Variants in OR5H14 observed in about 807,000 individuals in gnomAD.
The protein encoded by OR5H14 is olfactory receptor family 5 subfamily H member 14.
For missense variants in OR5H14, 392 were observed against 363.9 expected (o/e 1.08, Z -0.63); for synonymous variants, 155 against 130.6 (o/e 1.19, Z -1.28).
Position 98,153,416 on chromosome 3 carries a change from T to A in OR5H14, c.*3098T>A, listed in dbSNP as rs1370060410. On this transcript the variant is annotated 3_prime_UTR_variant, in exon 2 of 2. Transcript: ENST00000641380. Reference sequence around the variant, plus strand: ...AGCCAACATGGTGAAACCCCATCTTTATGAAAAATGCAAAAAATTAGCCGG... The same window carrying A: ...AGCCAACATGGTGAAACCCCATCTTAATGAAAAATGCAAAAAATTAGCCGG... 1 of 152,054 alleles carries A rather than the reference T, an allele frequency of 6.6e-6. No homozygotes were observed. Among genetic ancestry groups the A allele is most frequent in the Non-Finnish European group, 1.5e-5 (1 of 68,036 alleles). 9.4% of individuals were successfully genotyped at this position (152,054 alleles called of 1,614,324 possible).
chr3:98,150,147 C>A lies in OR5H14; in HGVS notation c.762C>A (p.Pro254=). The change falls in exon 2 of 2, where the codon CCC becomes CCA. Residue 254 remains proline (P), a synonymous_variant. Coordinates refer to ENST00000641380, the MANE Select transcript of OR5H14 (RefSeq NM_001005514.2). ...HLLSVSLYYG[P]LAFMYMGSAS... ...TATCTGTATCTTTATACTATGGGCCCCTCGCCTTCATGTATATGGGCTCTG... is the reference window on the plus strand; with the variant it reads ...TATCTGTATCTTTATACTATGGGCCACTCGCCTTCATGTATATGGGCTCTG... The A allele has an allele frequency of 6.2e-7, 1 of 1,612,098 alleles. No homozygotes were observed. Among genetic ancestry groups the A allele is most frequent in the South Asian group, 1.1e-5 (1 of 90,908 alleles).
Position 98,155,104 on chromosome 3 carries a change from T to C in OR5H14, c.*4786T>C, listed in dbSNP as rs1337196921. On this transcript the variant is annotated 3_prime_UTR_variant, in exon 2 of 2. Transcript: ENST00000641380. ...CAGAATGGTAAAAGGACTCCTCTAG[T>C]TTTGTGACCACCCCCCTGCTGCAGG... The C allele has an allele frequency of 6.6e-6, 1 of 151,548 alleles. No homozygotes were observed. The highest frequency in any genetic ancestry group is 1.5e-5 in the Non-Finnish European group (1 of 67,978). The allele number at this position is 151,548 out of a possible 1,614,324, so 9.4% of individuals were successfully genotyped here. A position where few individuals can be genotyped will look rare whatever the true frequency, so the allele number is the denominator to read the frequency against.
chr3:98,149,028 C>A (rs148303937), intron 1 of OR5H14, among the ~76,000 whole-genome samples: 136 of 152,094 alleles, frequency 8.9e-4, no homozygotes, highest in Middle Eastern at 3.4e-3. Context: ...AGATTCTTCA[C>A]GTGGCATTTA....
rs1411659620 is a variant in OR5H14, at chr3:98,150,332, T to C, written c.*14T>C. On this transcript the variant is annotated 3_prime_UTR_variant, in exon 2 of 2. Coordinates refer to ENST00000641380, the MANE Select transcript of OR5H14 (RefSeq NM_001005514.2). ...AATGATGTTTAGATCATTACTAATATCTCTTTTCTATTTACTAAAATGTCA... is the reference window on the plus strand; with the variant it reads ...AATGATGTTTAGATCATTACTAATACCTCTTTTCTATTTACTAAAATGTCA... 1 of 1,475,200 alleles carries C rather than the reference T, an allele frequency of 6.8e-7. No homozygotes were observed. Among genetic ancestry groups the C allele is most frequent in the South Asian group, 1.4e-5 (1 of 69,750 alleles). 91.4% of individuals were successfully genotyped at this position (1,475,200 alleles called of 1,614,324 possible). A position where few individuals can be genotyped will look rare whatever the true frequency, so the allele number is the denominator to read the frequency against.
chr3:98,148,941 A>T (rs1708458486), intron 1 of OR5H14, among the ~76,000 whole-genome samples: 1 of 151,322 alleles, frequency 6.6e-6, no homozygotes, highest in South Asian at 2.1e-4. Flanking sequence ...ACTATCAAAA[A>T]TTTTAAAAAA....
chr3:98,149,026 C>G (rs1361117716), intron 1 of OR5H14, among the ~76,000 whole-genome samples: 1 of 152,008 alleles, frequency 6.6e-6, no homozygotes, highest in African/African-American at 2.4e-5. Flanking sequence ...TAAGATTCTT[C>G]ACGTGGCATT....
At position 98,147,549 on chromosome 3, in the gene OR5H14, A is replaced by G. The variant is rs906459545; in HGVS notation, c.-24A>G. ...AGGATATCCACAATTTCTTTCAAAAATATGGGTAAGGAAGAAATAATTTTT... is the reference window on the plus strand; with the variant it reads ...AGGATATCCACAATTTCTTTCAAAAGTATGGGTAAGGAAGAAATAATTTTT... On this transcript the variant is annotated 5_prime_UTR_variant, in exon 1 of 2. Transcript: ENST00000641380. 1.3e-5 allele frequency: 2 copies of G among 152,160 alleles called. No individual in the cohort carries two copies. The highest frequency in any genetic ancestry group is 4.8e-5 in the African/African-American group (2 of 41,464). The allele number at this position is 152,160 out of a possible 1,614,324, so 9.4% of individuals were successfully genotyped here.
chr3:98,148,762 C>T (rs1269512218), intron 1 of OR5H14, among the ~76,000 whole-genome samples: 1 of 151,984 alleles, frequency 6.6e-6, no homozygotes, highest in Non-Finnish European at 1.5e-5. Flanking sequence ...GAACTCATTT[C>T]TGAAATAATC....
In OR5H14 at chr3:98,154,545, ACGTG is replaced by A. The variant is rs879555327; in HGVS notation, c.*4228_*4231del. Reference sequence around the variant, plus strand: ...GAAGGCAGGCCTGGTTCATCTGAGGACGTGACTTTATAAGGCATTTATCTAGTTT... The same window carrying A: ...GAAGGCAGGCCTGGTTCATCTGAGGAACTTTATAAGGCATTTATCTAGTTT... On this transcript the variant is annotated 3_prime_UTR_variant, in exon 2 of 2. Coordinates refer to ENST00000641380, the MANE Select transcript of OR5H14 (RefSeq NM_001005514.2). 0.16 allele frequency: 22,634 copies of A among 142,084 alleles called. No homozygotes were observed. The highest frequency in any genetic ancestry group is 0.35 in the East Asian group (1,637 of 4,628). 8.8% of individuals were successfully genotyped at this position (142,084 alleles called of 1,614,324 possible). A position where few individuals can be genotyped will look rare whatever the true frequency, so the allele number is the denominator to read the frequency against.
In OR5H14 at chr3:98,150,937, T is replaced by A. The variant is rs1480692853; in HGVS notation, c.*619T>A. 2 of 152,172 alleles carry A rather than the reference T, an allele frequency of 1.3e-5. No homozygotes were observed. The highest frequency in any genetic ancestry group is 4.8e-5 in the African/African-American group (2 of 41,440). The allele number at this position is 152,172 out of a possible 1,614,324, so 9.4% of individuals were successfully genotyped here. A position where few individuals can be genotyped will look rare whatever the true frequency, so the allele number is the denominator to read the frequency against. On this transcript the variant is annotated 3_prime_UTR_variant, in exon 2 of 2. Coordinates refer to ENST00000641380, the MANE Select transcript of OR5H14 (RefSeq NM_001005514.2). The stretch of plus-strand genomic sequence containing the variant: ...AAGAGGGCAAGAGGATGCTGTTAAC[T>A]CTCTGTGCTTGTATGAGTAAGAACC...
intron 1 of OR5H14, 163 bp from the exon 2 acceptor site, chr3:98,149,204 CA>C (rs1421496947): frequency 7.8e-6 from 6 of 768,426 alleles, no homozygotes; most frequent in Admixed American, 6.1e-5. Flanking sequence ...TAAAATATGA[CA>C]TTTTTTTCAT....
chr3:98,150,267 C>A lies in OR5H14; in HGVS notation c.882C>A (p.Asn294Lys), dbSNP rs75547468. 6.1e-3 allele frequency: 9,746 copies of A among 1,599,706 alleles called. 365 individuals carry two copies. The African/African-American group carries it at 0.097, about 16-fold the overall frequency. The change falls in exon 2 of 2, where the codon AAC (asparagine) becomes AAA (lysine). Residue 294 changes from asparagine to lysine, a missense_variant. Coordinates refer to ENST00000641380, the MANE Select transcript of OR5H14 (RefSeq NM_001005514.2). ...LLNPMIYSLR[N>K]KQVIASFTKM... The stretch of plus-strand genomic sequence containing the variant: ...ATCCCATGATCTACAGCCTGAGAAA[C>A]AAGCAAGTAATAGCTTCATTCACAA...
rs1367304000 is a variant in OR5H14 at position 98,153,942 on chromosome 3, C to A, written c.*3624C>A. 2 of 152,046 alleles carry A rather than the reference C, an allele frequency of 1.3e-5. No individual in the cohort carries two copies. The allele number at this position is 152,046 out of a possible 1,614,324, so 9.4% of individuals were successfully genotyped here. A position where few individuals can be genotyped will look rare whatever the true frequency, so the allele number is the denominator to read the frequency against. On this transcript the variant is annotated 3_prime_UTR_variant, in exon 2 of 2. Coordinates refer to ENST00000641380, the MANE Select transcript of OR5H14 (RefSeq NM_001005514.2). ...CAGAACTTGAATTTAATAATGAATG[C>A]ACTATAATTTTCTACTGAAATATAT...
In OR5H14 at chr3:98,150,431, G is replaced by A. The variant is rs57747294; in HGVS notation, c.*113G>A. On this transcript the variant is annotated 3_prime_UTR_variant, in exon 2 of 2. Transcript: ENST00000641380. The stretch of plus-strand genomic sequence containing the variant: ...ATTTTGCAATTATAACTGTCCTAGC[G>A]CTTTAATGACCTATGATATAAGCAC... 0.015 allele frequency: 9,468 copies of A among 617,770 alleles called. 622 individuals are homozygous for A. The highest frequency in any genetic ancestry group is 0.14 in the African/African-American group (7,698 of 53,782). The allele number at this position is 617,770 out of a possible 1,614,324, so 38.3% of individuals were successfully genotyped here. A position where few individuals can be genotyped will look rare whatever the true frequency, so the allele number is the denominator to read the frequency against.
Position 98,150,206 on chromosome 3 carries a change from A to C in OR5H14, c.821A>C (p.Glu274Ala), listed in dbSNP as rs1234640096. The part of the protein sequence containing the change: ...SPQADDQDMM[E>A]SLFYTVIVPL... Reference sequence around the variant, plus strand: ...CAGGCTGATGACCAAGATATGATGGAGTCTCTATTTTACACTGTCATAGTT... The same window carrying C: ...CAGGCTGATGACCAAGATATGATGGCGTCTCTATTTTACACTGTCATAGTT... The change falls in exon 2 of 2, where the codon GAG (glutamate) becomes GCG (alanine). Residue 274 changes from glutamate (E) to alanine (A), a missense_variant. Coordinates refer to ENST00000641380, the MANE Select transcript of OR5H14 (RefSeq NM_001005514.2). The C allele has an allele frequency of 6.2e-7, 1 of 1,612,868 alleles. No homozygotes were observed. The highest frequency in any genetic ancestry group is 8.5e-7 in the Non-Finnish European group (1 of 1,179,384).
chr3:98,149,688 G>T lies in OR5H14; in HGVS notation c.303G>T (p.Leu101Phe), dbSNP rs112877568. 6,514 of 1,607,552 alleles carry T rather than the reference G, an allele frequency of 4.1e-3. 276 individuals are homozygous for T. The African/African-American group carries it at 0.069, about 17-fold the overall frequency. Residue 101 changes from leucine (L) to phenylalanine (F), a missense_variant, in exon 2 of 2, where the codon TTG (leucine) becomes TTT (phenylalanine). Transcript: ENST00000641380. ...MISLSECKIQ[L>F]FSFAISVTTE... ...CTCTCTCTGAATGCAAGATACAGTT[G>T]TTTTCGTTTGCAATCAGTGTAACCA...
rs1708532333 is a variant in OR5H14 at position 98,153,194 on chromosome 3, T to A, written c.*2876T>A. ...ATACAGCATACCAGCAAGATTACAA[T>A]GATGACCCCTTGAGGAAAATACCAA... is the stretch of plus-strand genomic sequence containing the variant. On this transcript the variant is annotated 3_prime_UTR_variant, in exon 2 of 2. Transcript: ENST00000641380. 6.6e-6 allele frequency: 1 copy of A among 152,138 alleles called. No homozygotes were observed. The highest frequency in any genetic ancestry group is 1.5e-5 in the Non-Finnish European group (1 of 68,024). The allele number at this position is 152,138 out of a possible 1,614,324, so 9.4% of individuals were successfully genotyped here.
chr3:98,147,575 G>GT, intron 1 of OR5H14, 21 bp downstream of exon 1: 1 of 151,904 alleles, frequency 6.6e-6, no homozygotes. Context: ...AATAATTTTT[G>GT]TAATTTTCAT....
intron 1 of OR5H14, 52 bp from the exon 2 acceptor site, chr3:98,149,316 A>T: frequency 1.9e-6 from 3 of 1,560,664 alleles, no homozygotes; most frequent in East Asian, 4.5e-5. Flanking sequence ...CCCAATTTCA[A>T]CTCATAATGT....
Sources: gnomAD v4.1 joint callset for allele counts (sites outside exome capture counted in the v4.1 genomes callset) on GRCh38, gnomAD v4.1.1 for gene constraint, MANE v1.5 for transcripts, NCBI Gene and HGNC (gene_info 2026-07-23, HGNC 2026-07-21) for gene names.